The following KLF8 variants were observed in gnomAD, a reference collection of about 807,000 sequenced individuals.
KLF8 encodes the protein KLF transcription factor 8.
A neutral mutation model predicts 18.2 loss-of-function variants in KLF8; 10 were observed. The observed-to-expected ratio is 0.55, with a 90% CI of 0.34 to 0.93. The LOEUF (loss-of-function observed/expected upper bound fraction) is 0.93, where lower values mean the gene tolerates loss of function less well. Among genes scored for constraint, KLF8 ranks in the 40% least tolerant of loss-of-function variants. KLF8 has a pLI of 0.02. For synonymous variants in KLF8, 109 were observed against 97.3 expected (o/e 1.12, Z -0.71); for missense variants, 264 against 277.9 (o/e 0.95, Z 0.36).
chrX:56,118,273 A>T, the KLF8 span, among the ~76,000 whole-genome samples: 1 of 111,607 alleles, frequency 9.0e-6, no homozygotes, highest in East Asian at 2.8e-4. Context: ...ATATATATAA[A>T]GCACTTAATA....
At chrX:56,089,142 T>C in the KLF8 span, among the ~76,000 whole-genome samples, 1 of 111,669 alleles carries the variant, frequency 9.0e-6, no homozygotes, top group Admixed American at 9.6e-5. Flanking sequence ...ATATTTGCTC[T>C]AATAGTAACA....
At chrX:56,109,348 T>A in the KLF8 span, among the ~76,000 whole-genome samples, 1 of 105,536 alleles carries the variant, frequency 9.5e-6, no homozygotes, top group South Asian at 4.3e-4. Flanking sequence ...TCAGCTGTGA[T>A]CATGCCACTG....
the KLF8 span, among the ~76,000 whole-genome samples, chrX:56,161,846 C>T: frequency 8.9e-6 from 1 of 111,737 alleles, no homozygotes; most frequent in Non-Finnish European, 1.9e-5. Flanking sequence ...GAGAGGCACT[C>T]TGATTTTTAG....
At chrX:56,136,216 C>G in the KLF8 span, among the ~76,000 whole-genome samples, 2 of 111,668 alleles carry the variant, frequency 1.8e-5, no homozygotes, top group African/African-American at 6.5e-5. Flanking sequence ...CATCAAGCTA[C>G]CAATGCCTTT....
chrX:56,093,447 G>T, the KLF8 span, among the ~76,000 whole-genome samples: 1 of 110,768 alleles, frequency 9.0e-6, no homozygotes, highest in Non-Finnish European at 1.9e-5. Flanking sequence ...CTAGAATTAT[G>T]TATGTAACAA....
At chrX:56,200,654 C>CA in the KLF8 span, among the ~76,000 whole-genome samples, 1,445 of 101,676 alleles carry the variant, frequency 0.014, 9 homozygotes, top group Non-Finnish European at 0.022. Flanking sequence ...AGGAAACAAT[C>CA]AAAAAAAAAA....
intron 5 of KLF8, among the ~76,000 whole-genome samples, chrX:56,280,662 T>G (rs1189927725): frequency 8.9e-6 from 1 of 112,544 alleles, no homozygotes; most frequent in Non-Finnish European, 1.9e-5. Context: ...CTCAATCAGC[T>G]ACTCACTGCT....
At chrX:56,188,341 C>G in the KLF8 span, among the ~76,000 whole-genome samples, 2 of 111,287 alleles carry the variant, frequency 1.8e-5, no homozygotes, top group East Asian at 5.6e-4. Flanking sequence ...TCAAGGAGAG[C>G]TACAAACCAC....
chrX:56,051,461 C>A, the KLF8 span, among the ~76,000 whole-genome samples: 1 of 109,986 alleles, frequency 9.1e-6, no homozygotes, highest in Admixed American at 9.6e-5. Flanking sequence ...TAAGGCAGGC[C>A]TGGTGGTGAC....
At chrX:56,137,980 G>C in the KLF8 span, among the ~76,000 whole-genome samples, 2 of 83,314 alleles carry the variant, frequency 2.4e-5, no homozygotes, top group Non-Finnish European at 4.6e-5. Flanking sequence ...AGATAAAAAA[G>C]AGAATATATG....
the KLF8 span, among the ~76,000 whole-genome samples, chrX:55,910,016 AGATGAAAATATGTTT>A: frequency 9.0e-6 from 1 of 111,606 alleles, no homozygotes; most frequent in African/African-American, 3.3e-5. Flanking sequence ...CAGGTCGAAG[AGATGAAAATATGTTT>A]GAGGTTTTAG....
chrX:56,048,565 A>G, the KLF8 span, among the ~76,000 whole-genome samples: 1 of 112,060 alleles, frequency 8.9e-6, no homozygotes, highest in Non-Finnish European at 1.9e-5. Flanking sequence ...TTTGTGAAAC[A>G]TCAGATAGTT....
chrX:56,027,207 G>A, the KLF8 span, among the ~76,000 whole-genome samples: 2 of 111,830 alleles, frequency 1.8e-5, no homozygotes, highest in African/African-American at 6.5e-5. Flanking sequence ...TTTAGAATAA[G>A]TAGGGACCAG....
the KLF8 span, among the ~76,000 whole-genome samples, chrX:56,120,794 C>G: frequency 1.8e-5 from 2 of 111,445 alleles, no homozygotes; most frequent in African/African-American, 6.5e-5. Context: ...GGGCATGTTT[C>G]CAAGTGAGGG....
chrX:56,191,569 G>T, the KLF8 span, among the ~76,000 whole-genome samples: 10 of 111,481 alleles, frequency 9.0e-5, no homozygotes, highest in African/African-American at 2.9e-4. Flanking sequence ...GTAGCAGAAA[G>T]AATTCAACAA....
the KLF8 span, among the ~76,000 whole-genome samples, chrX:55,956,165 CTATCATCTATCTATCTATCTATCTATG>C: frequency 3.1e-5 from 3 of 95,733 alleles, no homozygotes; most frequent in African/African-American, 1.6e-4. Context: ...ATCTATCTAT[CTATCATCTATCTATCTATCTATCTATG>C]TATCTATCTA....
the KLF8 span, among the ~76,000 whole-genome samples, chrX:56,195,993 G>C: frequency 9.0e-6 from 1 of 111,348 alleles, no homozygotes; most frequent in Non-Finnish European, 1.9e-5. Flanking sequence ...AGCTTCATAA[G>C]TGAAGGAGAA....
At chrX:56,030,003 T>C in the KLF8 span, among the ~76,000 whole-genome samples, 1 of 112,516 alleles carries the variant, frequency 8.9e-6, no homozygotes, top group Non-Finnish European at 1.9e-5. Flanking sequence ...TTCCTTTGGA[T>C]ATCTTCTGCA....
chrX:56,176,636 T>G, the KLF8 span, among the ~76,000 whole-genome samples: 1 of 111,230 alleles, frequency 9.0e-6, no homozygotes, highest in African/African-American at 3.3e-5. Context: ...TTTCCTGAAT[T>G]TGAATGTTTG....
Sources: allele counts gnomAD v4.1 joint callset (sites outside exome capture counted in the v4.1 genomes callset), GRCh38; gene constraint gnomAD v4.1.1; transcripts MANE v1.5; gene names NCBI Gene and HGNC (gene_info 2026-07-23, HGNC 2026-07-21).